GRIK1: variants seen among roughly 807,000 people sequenced by gnomAD.
The protein encoded by GRIK1 is glutamate ionotropic receptor kainate type subunit 1, also known as glutamate receptor ionotropic, kainate 1.
Under a neutral mutation model 105.7 loss-of-function variants are expected in GRIK1, and 69 were observed. That is an observed-to-expected ratio of 0.65 (90% confidence interval 0.54 to 0.80). GRIK1 has a LOEUF of 0.80. GRIK1 is among the 30% of genes least tolerant of loss of function. The pLI, the probability that GRIK1 is intolerant of heterozygous loss-of-function variation, is 0.00. For synonymous variants in GRIK1, 438 were observed against 431.3 expected (o/e 1.02, Z -0.19); for missense variants, 1,109 against 1,167.3 (o/e 0.95, Z 0.73).
intron 7 of GRIK1, chr21:29,601,368 G>T: frequency 2.9e-6 from 1 of 341,304 alleles, no homozygotes; most frequent in East Asian, 6.1e-5. Context: ...GTAGAATGTG[G>T]GACTTCTCAG....
At chr21:29,575,509 G>C (rs78182961) in intron 14 of GRIK1, among the ~76,000 whole-genome samples, 2,384 of 152,072 alleles carry the variant, frequency 0.016, 63 homozygotes, top group African/African-American at 0.05. Flanking sequence ...GAACTCAATG[G>C]AAATAATAGA....
intron 1 of GRIK1, among the ~76,000 whole-genome samples, chr21:29,846,497 GAAAGAAAGA>G: frequency 6.6e-6 from 1 of 150,952 alleles, no homozygotes. Context: ...AAGAAAGAAA[GAAAGAAAGA>G]AAGAAAGAAA....
chr21:29,769,621 G>T (rs1195529988), intron 1 of GRIK1, among the ~76,000 whole-genome samples: 1 of 152,120 alleles, frequency 6.6e-6, no homozygotes, highest in Non-Finnish European at 1.5e-5. Context: ...AGGTGGTAAT[G>T]CTCACTTACC....
At chr21:29,875,681 T>C (rs182770695) in intron 1 of GRIK1, among the ~76,000 whole-genome samples, 1 of 152,176 alleles carries the variant, frequency 6.6e-6, no homozygotes, top group African/African-American at 2.4e-5. Context: ...GAGCCCTTCA[T>C]ATGTTTATTT....
intron 1 of GRIK1, among the ~76,000 whole-genome samples, chr21:29,794,578 G>A (rs1354346338): frequency 6.6e-6 from 1 of 152,180 alleles, no homozygotes; most frequent in African/African-American, 2.4e-5. Context: ...GGATCTGTGA[G>A]TTAACCAGTA....
intron 1 of GRIK1, among the ~76,000 whole-genome samples, chr21:29,854,155 G>A (rs1378295866): frequency 6.6e-6 from 1 of 152,140 alleles, no homozygotes; most frequent in Non-Finnish European, 1.5e-5. Flanking sequence ...TTCCACTTGT[G>A]GTAGAAGGGG....
Position 29,766,848 on chromosome 21 carries a change from T to C in GRIK1, c.119-72785A>G, listed in dbSNP as rs555477280. 4.6e-5 allele frequency among the ~76,000 whole-genome samples: 7 copies of C among 151,898 alleles called. No homozygotes were observed. The East Asian group carries it at 9.6e-4, about 21-fold the overall frequency. ...CTTCTAAATCTTCTTGAGGTTATAA[T>C]GCAGAGTATTTTCTTTGATGTTTCT... On this transcript the variant is annotated intron_variant, in intron 1 of 17. Transcript: ENST00000327783.
intron 1 of GRIK1, among the ~76,000 whole-genome samples, chr21:29,738,477 G>T (rs1479903571): frequency 2.6e-5 from 4 of 152,154 alleles, no homozygotes; most frequent in Non-Finnish European, 2.9e-5. Context: ...CAAGTCTCTT[G>T]CATTGTTAAA....
At chr21:29,899,809 T>C (rs1185857793) in intron 1 of GRIK1, among the ~76,000 whole-genome samples, 1 of 152,116 alleles carries the variant, frequency 6.6e-6, no homozygotes, top group Non-Finnish European at 1.5e-5. Flanking sequence ...TCAGTTGAAC[T>C]GAGATGGGAC....
At chr21:29,905,936 G>GCT (rs2070619925) in intron 1 of GRIK1, among the ~76,000 whole-genome samples, 1 of 139,030 alleles carries the variant, frequency 7.2e-6, no homozygotes, top group Non-Finnish European at 1.5e-5. Flanking sequence ...CCCAAAACTT[G>GCT]TTTTTTTTGT....
At chr21:29,807,762 A>G (rs1280407338) in intron 1 of GRIK1, among the ~76,000 whole-genome samples, 1 of 152,030 alleles carries the variant, frequency 6.6e-6, no homozygotes, top group South Asian at 2.1e-4. Context: ...CCCAGCCACT[A>G]TTTTTCTCTC....
chr21:29,823,588 T>G (rs915584388), intron 1 of GRIK1, among the ~76,000 whole-genome samples: 4 of 151,838 alleles, frequency 2.6e-5, no homozygotes, highest in African/African-American at 4.8e-5. Flanking sequence ...TGATCATAAG[T>G]GGAGGAAAGA....
intron 9 of GRIK1, among the ~76,000 whole-genome samples, chr21:29,594,124 A>G (rs1369461984): frequency 6.6e-6 from 1 of 152,182 alleles, no homozygotes; most frequent in African/African-American, 2.4e-5. Flanking sequence ...TACAGTATAT[A>G]TATGCTGAGT....
intron 7 of GRIK1, among the ~76,000 whole-genome samples, chr21:29,637,387 C>T (rs1355836494): frequency 2.6e-5 from 4 of 152,240 alleles, no homozygotes; most frequent in Non-Finnish European, 2.9e-5. Context: ...TCGGCCCCTA[C>T]ATTCAGCTAC....
At chr21:29,781,860 C>T (rs867417847) in intron 1 of GRIK1, among the ~76,000 whole-genome samples, 58 of 149,122 alleles carry the variant, frequency 3.9e-4, no homozygotes, top group South Asian at 1.7e-3. Flanking sequence ...TTAGTAGAGA[C>T]GGGGTTTCAC....
At chr21:29,791,209 C>T (rs146942261) in intron 1 of GRIK1, among the ~76,000 whole-genome samples, 74 of 151,976 alleles carry the variant, frequency 4.9e-4, no homozygotes, top group Middle Eastern at 3.4e-3. Context: ...TGGTAAGGGA[C>T]GAGAAATTTA....
At chr21:29,658,039 G>A (rs768079890) in intron 4 of GRIK1, among the ~76,000 whole-genome samples, 22 of 152,124 alleles carry the variant, frequency 1.4e-4, no homozygotes, top group Non-Finnish European at 2.1e-4. Flanking sequence ...TGACCAAATG[G>A]TGCTGACCTA....
chr21:29,785,436 A>T (rs954519046), intron 1 of GRIK1, among the ~76,000 whole-genome samples: 1 of 151,746 alleles, frequency 6.6e-6, no homozygotes, highest in Non-Finnish European at 1.5e-5. Flanking sequence ...TGGTGGTGTG[A>T]GCCTGTAATC....
intron 1 of GRIK1, among the ~76,000 whole-genome samples, chr21:29,834,826 T>G (rs2067740139): frequency 6.7e-6 from 1 of 150,304 alleles, no homozygotes; most frequent in Non-Finnish European, 1.5e-5. Context: ...TATTGAATAT[T>G]ATTTTATTTA....
Sources: gnomAD v4.1 joint callset for allele counts (sites outside exome capture counted in the v4.1 genomes callset) on GRCh38, gnomAD v4.1.1 for gene constraint, MANE v1.5 for transcripts, NCBI Gene and HGNC (gene_info 2026-07-23, HGNC 2026-07-21) for gene names.